The following SNX29 variants were observed in gnomAD, a reference collection of about 807,000 sequenced individuals.
The protein encoded by SNX29 is sorting nexin 29.
A neutral mutation model predicts 102.1 loss-of-function variants in SNX29; 78 were observed. The ratio of observed to expected loss-of-function variants is 0.76; its 90% confidence interval spans 0.64 to 0.92. The LOEUF is 0.92. Ranked by LOEUF, SNX29 falls within the 40% of genes least tolerant of loss-of-function variation. SNX29 has a pLI of 0.00. For missense variants in SNX29, 1,280 were observed against 1,061.7 expected (o/e 1.21, Z -2.86); for synonymous variants, 580 against 414.5 (o/e 1.40, Z -4.85).
At chr16:12,322,731 G>A (rs560688654) in intron 15 of SNX29, among the ~76,000 whole-genome samples, 12 of 152,034 alleles carry the variant, frequency 7.9e-5, no homozygotes, top group African/African-American at 2.9e-4. Flanking sequence ...GGAGACCACC[G>A]TCAGGATGCA....
In SNX29 at chr16:12,287,357, C is replaced by G. The variant is rs115419598; in HGVS notation, c.1782+9321C>G. Among the ~76,000 whole-genome samples the G allele has an allele frequency of 2.6e-3, 402 of 152,340 alleles. 2 individuals are homozygous for G. The highest frequency in any genetic ancestry group is 8.9e-3 in the African/African-American group (368 of 41,578). On this transcript the variant is annotated intron_variant, in intron 15 of 20. Coordinates refer to ENST00000566228, the MANE Select transcript of SNX29 (RefSeq NM_032167.5). The stretch of plus-strand genomic sequence containing the variant: ...TGAAGGAAGAGGAGGCAGGCTGTAT[C>G]TCACAGGTGTCTCTCTGTTTTTTTT...
Position 12,547,094 on chromosome 16 carries a change from G to A in SNX29, c.2319-21412G>A, listed in dbSNP as rs192205025. Among the ~76,000 whole-genome samples the A allele has an allele frequency of 1.5e-3, 230 of 152,316 alleles. 1 individual carries two copies. Among genetic ancestry groups the A allele is most frequent in the African/African-American group, 2.4e-3 (99 of 41,560 alleles). On this transcript the variant is annotated intron_variant, in intron 20 of 20. Coordinates refer to ENST00000566228, the MANE Select transcript of SNX29 (RefSeq NM_032167.5). ...GGCAGACATGCCTATGTGAGGTGGC[G>A]ATTTCCAGTGAAAAGACAGGAAATG...
intron 13 of SNX29, among the ~76,000 whole-genome samples, chr16:12,172,040 T>TA (rs1165018555): frequency 2.0e-5 from 3 of 152,214 alleles, no homozygotes; most frequent in African/African-American, 7.2e-5. Flanking sequence ...CGTTACCACT[T>TA]ATTTTTCTAA....
At chr16:12,392,697 G>T (rs1163941603) in intron 16 of SNX29, among the ~76,000 whole-genome samples, 2 of 152,172 alleles carry the variant, frequency 1.3e-5, no homozygotes, top group Admixed American at 6.5e-5. Flanking sequence ...GCTCTTATTT[G>T]CCAAGTTTTT....
At chr16:12,202,687 G>T (rs189721458) in intron 14 of SNX29, among the ~76,000 whole-genome samples, 3 of 152,334 alleles carry the variant, frequency 2.0e-5, no homozygotes, top group African/African-American at 7.2e-5. Context: ...CTTAAAAGAG[G>T]AGGCGATCCT....
intron 4 of SNX29, among the ~76,000 whole-genome samples, chr16:12,040,573 T>G (rs2049839002): frequency 6.6e-6 from 1 of 152,276 alleles, no homozygotes; most frequent in Middle Eastern, 3.4e-3. Flanking sequence ...TGGAAATCTT[T>G]CGTAAGGAAC....
chr16:12,124,935 C>A (rs1390269318), intron 11 of SNX29, among the ~76,000 whole-genome samples: 1 of 152,206 alleles, frequency 6.6e-6, no homozygotes. Flanking sequence ...AGGAGCGCTG[C>A]TCTGTTTCAC....
At chr16:12,337,427 G>A (rs770022885) in intron 15 of SNX29, among the ~76,000 whole-genome samples, 2 of 151,958 alleles carry the variant, frequency 1.3e-5, no homozygotes, top group South Asian at 4.2e-4. Flanking sequence ...CCACAGCCTC[G>A]ACCTCCTGGG....
intron 20 of SNX29, among the ~76,000 whole-genome samples, chr16:12,555,119 T>C (rs1016984287): frequency 1.7e-5 from 2 of 117,910 alleles, no homozygotes; most frequent in South Asian, 2.4e-4. Flanking sequence ...TCTCAGAGTA[T>C]CAAAAGGCTT....
At chr16:12,545,927 A>G (rs185545904) in intron 20 of SNX29, among the ~76,000 whole-genome samples, 1 of 152,254 alleles carries the variant, frequency 6.6e-6, no homozygotes, top group East Asian at 1.9e-4. Flanking sequence ...CGGGGCTATT[A>G]ATATTTATGT....
chr16:12,384,429 G>A lies in SNX29; in HGVS notation c.1900-14017G>A, dbSNP rs1328183988. On this transcript the variant is annotated intron_variant, in intron 16 of 20. Coordinates refer to ENST00000566228, the MANE Select transcript of SNX29 (RefSeq NM_032167.5). ...AAAACCATTTGAACTGGGGTGACAC[G>A]ATATCTCATTGTAGTTTTGATCTGC... Among the ~76,000 whole-genome samples the A allele has an allele frequency of 2.0e-5, 3 of 152,288 alleles. No individual in the cohort carries two copies. In the South Asian group the frequency reaches 6.2e-4, roughly 32 times the overall value.
chr16:12,451,407 G>C (rs2151715528), intron 18 of SNX29, among the ~76,000 whole-genome samples: 1 of 152,318 alleles, frequency 6.6e-6, no homozygotes, highest in East Asian at 1.9e-4. Flanking sequence ...TTGCCGAGTA[G>C]GAGCCTCCTC....
intron 8 of SNX29, chr16:12,053,179 C>T (rs1261797205): frequency 6.6e-6 from 1 of 151,202 alleles, no homozygotes; most frequent in Non-Finnish European, 1.5e-5. Context: ...CCTGTAACTC[C>T]AGATACTTGG....
Position 12,126,649 on chromosome 16 carries a change from C to T in SNX29, c.1419C>T (p.Ala473=). 6.2e-7 allele frequency: 1 copy of T among 1,613,984 alleles called. No homozygotes were observed. Among genetic ancestry groups the T allele is most frequent in the Non-Finnish European group, 8.5e-7 (1 of 1,179,882 alleles). Residue 473 remains alanine, a synonymous_variant, in exon 12 of 21, where the codon GCC becomes GCT. Transcript: ENST00000566228. ...ESMTISELRQ[A]TVAMMNRKDE... is the part of the protein sequence containing the mutation. ...TTCCCTTAGGTGAACTGCGCCAGGC[C>T]ACTGTGGCCATGATGAACAGGAAGG... is the stretch of plus-strand genomic sequence containing the variant.
intron 16 of SNX29, among the ~76,000 whole-genome samples, chr16:12,380,444 ACCACCCACCATCCAT>A (rs1303633049): frequency 1.7e-4 from 10 of 58,824 alleles, no homozygotes; most frequent in South Asian, 5.6e-4. Context: ...CTAGCTACCT[ACCACCCACCATCCAT>A]CCACCCACCA....
chr16:12,430,152 C>T (rs1313380111), intron 18 of SNX29, among the ~76,000 whole-genome samples: 2 of 152,220 alleles, frequency 1.3e-5, no homozygotes, highest in Non-Finnish European at 2.9e-5. Flanking sequence ...GAATCTAATG[C>T]CCAAAGATCT....
intron 20 of SNX29, among the ~76,000 whole-genome samples, chr16:12,565,377 G>A (rs2141532849): frequency 6.6e-6 from 1 of 152,312 alleles, no homozygotes; most frequent in East Asian, 1.9e-4. Flanking sequence ...GGTCTAGCCA[G>A]ATTTCCGCAG....
intron 15 of SNX29, among the ~76,000 whole-genome samples, chr16:12,348,123 G>A (rs1270415960): frequency 6.6e-6 from 1 of 152,128 alleles, no homozygotes; most frequent in African/African-American, 2.4e-5. Flanking sequence ...TCAAAGACGT[G>A]TGATTCTTTA....
intron 19 of SNX29, among the ~76,000 whole-genome samples, chr16:12,502,510 C>G (rs1304295335): frequency 6.6e-6 from 1 of 152,116 alleles, no homozygotes. Context: ...CCCCCCAACT[C>G]TGACTCTCAT....
Sources: gnomAD v4.1 joint callset for allele counts (sites outside exome capture counted in the v4.1 genomes callset) on GRCh38, gnomAD v4.1.1 for gene constraint, MANE v1.5 for transcripts, NCBI Gene and HGNC (gene_info 2026-07-23, HGNC 2026-07-21) for gene names.